FMR1NB: variants seen among roughly 807,000 people sequenced by gnomAD.
FMR1NB encodes the protein FMR1 neighbor protein.
FMR1NB carries 10 observed loss-of-function variants against 16.8 expected under a neutral mutation model. The observed-to-expected ratio is 0.60, with a 90% CI of 0.37 to 1.01. FMR1NB has a LOEUF of 1.01. FMR1NB is among the 50% of genes least tolerant of loss of function. The probability of loss-of-function intolerance (pLI) is 0.01; values close to 1 mark genes in which losing one functional copy is unlikely to be tolerated. For missense variants in FMR1NB, 205 were observed against 204.8 expected (o/e 1.00, Z 0.00); for synonymous variants, 83 against 79.1 (o/e 1.05, Z -0.26).
chrX:147,982,040 A>G (rs1259298142), intron 1 of FMR1NB, among the ~76,000 whole-genome samples: 1 of 111,925 alleles, frequency 8.9e-6, no homozygotes, highest in Non-Finnish European at 1.9e-5. Context: ...CTGTAATCCC[A>G]GCACTTTAGG....
intron 5 of FMR1NB, 142 bp downstream of exon 5, chrX:148,025,155 C>A: frequency 3.2e-6 from 2 of 633,309 alleles, no homozygotes; most frequent in Non-Finnish European, 4.7e-6. Flanking sequence ...AGCTTCTGAA[C>A]AAATATTTAT....
intron 1 of FMR1NB, among the ~76,000 whole-genome samples, chrX:147,999,979 C>T (rs782396267): frequency 1.6e-3 from 173 of 111,355 alleles, no homozygotes; most frequent in Non-Finnish European, 2.2e-3. Context: ...ATCTTTTAGT[C>T]CTTGACAGAA....
intron 1 of FMR1NB, among the ~76,000 whole-genome samples, chrX:147,984,935 T>A (rs1399495466): frequency 8.9e-6 from 1 of 112,280 alleles, no homozygotes. Flanking sequence ...TTTGCATCAA[T>A]TGAGATATGA....
Position 148,006,743 on chromosome X carries a change from G to A in FMR1NB, c.439G>A (p.Glu147Lys). 3 of 1,209,132 alleles carry A rather than the reference G, an allele frequency of 2.5e-6. No individual in the cohort carries two copies. Among genetic ancestry groups the A allele is most frequent in the Non-Finnish European group, 3.4e-6 (3 of 894,179 alleles). Residue 147 changes from glutamate (E) to lysine (K), a missense_variant, in exon 3 of 6, where the codon GAG (glutamate) becomes AAG (lysine). By Grantham distance (56) the Glu-to-Lys change is moderately conservative (BLOSUM62 1). Coordinates refer to ENST00000370467, the MANE Select transcript of FMR1NB (RefSeq NM_152578.3). The stretch of plus-strand genomic sequence containing the variant: ...AAATCAGGTGGCAAAGCCTTGTAAT[G>A]AGCTGCAAGATCTTAGTGAGAGTGA... ...RENQVAKPCN[E>K]LQDLSESECL...
intron 1 of FMR1NB, among the ~76,000 whole-genome samples, chrX:147,987,938 C>T (rs1557187245): frequency 9.1e-6 from 1 of 110,322 alleles, no homozygotes; most frequent in African/African-American, 3.3e-5. Flanking sequence ...CTCCTGAATA[C>T]AGGACACCAA....
At chrX:147,984,307 T>C (rs1316645730) in intron 1 of FMR1NB, among the ~76,000 whole-genome samples, 3 of 112,296 alleles carry the variant, frequency 2.7e-5, no homozygotes, top group African/African-American at 6.5e-5. Flanking sequence ...ACTTTGGAAG[T>C]GCTGCCATCT....
Position 147,981,489 on chromosome X carries a change from T to C in FMR1NB, c.87T>C (p.Tyr29=), listed in dbSNP as rs1557186491. ...TGGCTCACTTAGAGCTGGCAACTTATGAGTTGGCGGCAACTGAGTCGAATC... is the reference window on the plus strand; with the variant it reads ...TGGCTCACTTAGAGCTGGCAACTTACGAGTTGGCGGCAACTGAGTCGAATC... ...MRVAHLELAT[Y]ELAATESNPE... Residue 29 remains tyrosine, a synonymous_variant, in exon 1 of 6, where the codon TAT becomes TAC. Transcript: ENST00000370467. 2 of 1,211,593 alleles carry C rather than the reference T, an allele frequency of 1.7e-6. No homozygotes were observed. The highest frequency in any genetic ancestry group is 2.2e-6 in the Non-Finnish European group (2 of 895,411).
chrX:148,006,189 G>A (rs2044595212), intron 2 of FMR1NB, among the ~76,000 whole-genome samples: 1 of 111,710 alleles, frequency 9.0e-6, no homozygotes, highest in African/African-American at 3.3e-5. Context: ...AGGGTGAAAC[G>A]AAGAATCTTA....
At chrX:148,007,419 A>C (rs1483529991) in intron 3 of FMR1NB, among the ~76,000 whole-genome samples, 3 of 111,458 alleles carry the variant, frequency 2.7e-5, no homozygotes, top group Non-Finnish European at 5.6e-5. Flanking sequence ...CTTCCTGAGT[A>C]GTTGGGACTA....
chrX:148,014,038 G>C (rs1368254965), intron 4 of FMR1NB, among the ~76,000 whole-genome samples: 1 of 111,527 alleles, frequency 9.0e-6, no homozygotes, highest in African/African-American at 3.3e-5. Flanking sequence ...TACCAGCCTT[G>C]AGTGCCTTTT....
intron 1 of FMR1NB, among the ~76,000 whole-genome samples, chrX:147,984,674 T>C (rs1233976331): frequency 8.9e-6 from 1 of 112,084 alleles, no homozygotes; most frequent in East Asian, 2.8e-4. Context: ...GTTTTACTTT[T>C]TACTTTCCGA....
chrX:148,016,270 C>T (rs1190106395), intron 4 of FMR1NB, among the ~76,000 whole-genome samples: 1 of 109,812 alleles, frequency 9.1e-6, no homozygotes, highest in African/African-American at 3.3e-5. Context: ...TATAGCTACT[C>T]CTGCTCTGTC....
intron 4 of FMR1NB, among the ~76,000 whole-genome samples, chrX:148,018,304 T>G (rs1425782513): frequency 8.9e-6 from 1 of 112,100 alleles, no homozygotes; most frequent in African/African-American, 3.3e-5. Context: ...TGGTGAGCAT[T>G]TTTTCATGTG....
At chrX:148,023,645 T>G (rs1322848987) in intron 4 of FMR1NB, among the ~76,000 whole-genome samples, 4 of 111,739 alleles carry the variant, frequency 3.6e-5, no homozygotes, top group Non-Finnish European at 7.5e-5. Context: ...TGTGCAAATC[T>G]TTCTTTTTTT....
chrX:148,010,433 A>G, intron 4 of FMR1NB, among the ~76,000 whole-genome samples: 1 of 111,414 alleles, frequency 9.0e-6, no homozygotes, highest in South Asian at 3.8e-4. Context: ...CAAGGAGAAT[A>G]ATTGTGTAAG....
At chrX:147,990,954 A>G (rs547388678) in intron 1 of FMR1NB, among the ~76,000 whole-genome samples, 2 of 108,505 alleles carry the variant, frequency 1.8e-5, no homozygotes, top group South Asian at 8.3e-4. Context: ...TCACTTGCTA[A>G]CCTCCCTTAC....
At chrX:148,021,928 A>T (rs1387214496) in intron 4 of FMR1NB, among the ~76,000 whole-genome samples, 5 of 100,016 alleles carry the variant, frequency 5.0e-5, no homozygotes, top group African/African-American at 1.5e-4. Flanking sequence ...CCTGGATCCC[A>T]TTGTCTAGTA....
intron 2 of FMR1NB, among the ~76,000 whole-genome samples, chrX:148,006,022 T>TA (rs2044594388): frequency 8.9e-6 from 1 of 112,041 alleles, no homozygotes; most frequent in Non-Finnish European, 1.9e-5. Context: ...TTTTAGTTTG[T>TA]ATTTGTTTCT....
chrX:148,010,758 T>A (rs1229514939), intron 4 of FMR1NB, among the ~76,000 whole-genome samples: 3 of 111,145 alleles, frequency 2.7e-5, no homozygotes, highest in African/African-American at 9.9e-5. Flanking sequence ...GGGCCTCTTT[T>A]GGAAGACCTT....
Sources: gnomAD v4.1 joint callset for allele counts (sites outside exome capture counted in the v4.1 genomes callset) on GRCh38, gnomAD v4.1.1 for gene constraint, MANE v1.5 for transcripts, NCBI Gene and HGNC (gene_info 2026-07-23, HGNC 2026-07-21) for gene names.